The following PREP variants were observed in gnomAD, a reference collection of about 807,000 sequenced individuals.
PREP encodes prolyl endopeptidase, also known as dJ355L5.1 (prolyl endopeptidase).
Under a neutral mutation model 87.6 loss-of-function variants are expected in PREP, and 29 were observed. The observed-to-expected ratio is 0.33, with a 90% CI of 0.25 to 0.45. PREP has a LOEUF of 0.45. PREP is among the 20% of genes least tolerant of loss of function. The probability of loss-of-function intolerance (pLI) is 1.00; values close to 1 mark genes in which losing one functional copy is unlikely to be tolerated. For missense variants in PREP, 695 were observed against 886.5 expected (o/e 0.78, Z 2.74); for synonymous variants, 337 against 328.6 (o/e 1.03, Z -0.28).
intron 7 of PREP, among the ~76,000 whole-genome samples, chr6:105,338,679 A>G (rs1771542396): frequency 6.6e-6 from 1 of 152,054 alleles, no homozygotes; most frequent in South Asian, 2.1e-4. Flanking sequence ...AAATTGGGAC[A>G]CTCCCACCCT....
chr6:105,291,942 A>C (rs1317682302), intron 10 of PREP, among the ~76,000 whole-genome samples: 1 of 152,214 alleles, frequency 6.6e-6, no homozygotes, highest in Non-Finnish European at 1.5e-5. Context: ...CTCACTCCTA[A>C]AAAGCAACTC....
chr6:105,362,375 C>T (rs1260576867), intron 6 of PREP, among the ~76,000 whole-genome samples: 1 of 152,230 alleles, frequency 6.6e-6, no homozygotes, highest in African/African-American at 2.4e-5. Flanking sequence ...GGACGAGAAT[C>T]GCTTGAACCC....
chr6:105,381,819 T>C (rs902460206), intron 2 of PREP, among the ~76,000 whole-genome samples: 8 of 151,762 alleles, frequency 5.3e-5, no homozygotes, highest in African/African-American at 1.9e-4. Context: ...ACTGTACCTA[T>C]AGTTAGCAAT....
chr6:105,340,247 T>TA (rs1052828576), intron 7 of PREP, among the ~76,000 whole-genome samples: 5 of 152,186 alleles, frequency 3.3e-5, no homozygotes, highest in African/African-American at 1.2e-4. Flanking sequence ...TCAACATTCT[T>TA]AAAGAAAACA....
At chr6:105,390,179 T>C (rs1279427051) in intron 2 of PREP, among the ~76,000 whole-genome samples, 1 of 152,186 alleles carries the variant, frequency 6.6e-6, no homozygotes, top group Non-Finnish European at 1.5e-5. Flanking sequence ...CTGTTCTAAT[T>C]GCCATAGCCT....
At chr6:105,295,014 C>T (rs954317834) in intron 10 of PREP, among the ~76,000 whole-genome samples, 2 of 152,154 alleles carry the variant, frequency 1.3e-5, no homozygotes, top group Non-Finnish European at 2.9e-5. Flanking sequence ...CTGCTGGACA[C>T]TCCGGAAATG....
At chr6:105,312,103 TGTAG>T (rs1770771035) in intron 10 of PREP, among the ~76,000 whole-genome samples, 4 of 152,252 alleles carry the variant, frequency 2.6e-5, no homozygotes, top group African/African-American at 9.6e-5. Flanking sequence ...AGGCTCCAGA[TGTAG>T]GTAGCACATA....
Position 105,278,796 on chromosome 6 carries a change from C to A in PREP, c.1839-358G>T, listed in dbSNP as rs1270569879. On this transcript the variant is annotated intron_variant, in intron 14 of 14. Transcript: ENST00000652536. This position sits in a 1 kb window ranked among gnomAD's most constrained non-coding sequence, Gnocchi z 4.2. ...AGTAATAATTGTCATTATAACCACA[C>A]TCAGTGGTTCAAAAAAAGTCCAAGC... Among the ~76,000 whole-genome samples, 1 of 152,104 alleles carries A rather than the reference C, an allele frequency of 6.6e-6. No homozygotes were observed. The highest frequency in any genetic ancestry group is 6.5e-5 in the Admixed American group (1 of 15,284).
At chr6:105,379,202 C>T in intron 2 of PREP, among the ~76,000 whole-genome samples, 1 of 152,172 alleles carries the variant, frequency 6.6e-6, no homozygotes, top group Non-Finnish European at 1.5e-5. Context: ...CAATCTTCGC[C>T]CTGGCCCGCT....
At chr6:105,280,629 A>C (rs1583032586) in intron 14 of PREP, 1 of 152,014 alleles carries the variant, frequency 6.6e-6, no homozygotes, top group East Asian at 1.9e-4. Context: ...AGGGTCTTGG[A>C]ATGCAGTGGT....
chr6:105,390,020 C>T (rs1476369046), intron 2 of PREP, among the ~76,000 whole-genome samples: 2 of 152,162 alleles, frequency 1.3e-5, no homozygotes, highest in African/African-American at 4.8e-5. Context: ...AAAATACCTA[C>T]ATAGAAATCC....
chr6:105,316,376 C>A (rs1295146835), intron 10 of PREP, among the ~76,000 whole-genome samples: 1 of 152,164 alleles, frequency 6.6e-6, no homozygotes, highest in Admixed American at 6.5e-5. Flanking sequence ...GTTAAGTTCA[C>A]CACCTTCTAT....
At position 105,277,979 on chromosome 6, in the gene PREP, A is replaced by G. The variant is rs1769982377; in HGVS notation, c.*165T>C. On this transcript the variant is annotated 3_prime_UTR_variant, in exon 15 of 15. Coordinates refer to ENST00000652536, the MANE Select transcript of PREP (RefSeq NM_002726.5). ...CACCAAGGCCTTGCTAAAAAGGAGA[A>G]GCCTAAAAAAGATAAAATTCCCACG... The G allele has an allele frequency of 2.1e-6, 2 of 975,146 alleles. No individual in the cohort carries two copies. The highest frequency in any genetic ancestry group is 3.0e-6 in the Non-Finnish European group (2 of 658,268). 60.4% of individuals were successfully genotyped at this position (975,146 alleles called of 1,614,324 possible).
intron 10 of PREP, among the ~76,000 whole-genome samples, chr6:105,310,528 G>T (rs1770738211): frequency 6.6e-6 from 1 of 152,130 alleles, no homozygotes; most frequent in African/African-American, 2.4e-5. Context: ...AGCACTGGGT[G>T]TTGCCTGCCA....
chr6:105,334,208 T>C (rs745814864), intron 7 of PREP, among the ~76,000 whole-genome samples: 4 of 152,222 alleles, frequency 2.6e-5, no homozygotes, highest in Non-Finnish European at 4.4e-5. Context: ...CAATGACTTC[T>C]CCATTATACT....
chr6:105,387,669 C>T (rs138804661), intron 2 of PREP, among the ~76,000 whole-genome samples: 2 of 149,176 alleles, frequency 1.3e-5, no homozygotes, highest in Non-Finnish European at 3.0e-5. Context: ...GAAAAAGTCG[C>T]AAAAAAAAAT....
chr6:105,387,123 G>C (rs912733726), intron 2 of PREP, among the ~76,000 whole-genome samples: 5 of 152,158 alleles, frequency 3.3e-5, no homozygotes, highest in African/African-American at 1.2e-4. Context: ...TCAGGAGGCT[G>C]AGACATGAGA....
chr6:105,348,237 A>G (rs1422328148), intron 7 of PREP, among the ~76,000 whole-genome samples: 2 of 152,268 alleles, frequency 1.3e-5, no homozygotes, highest in African/African-American at 4.8e-5. Context: ...TGCTTAATAA[A>G]GGACAAAAAT....
At chr6:105,385,116 C>T (rs984556742) in intron 2 of PREP, among the ~76,000 whole-genome samples, 2 of 151,890 alleles carry the variant, frequency 1.3e-5, no homozygotes, top group African/African-American at 4.8e-5. Context: ...AAGCTTGCTC[C>T]AGGGCTGGCT....
Sources: allele counts gnomAD v4.1 joint callset (sites outside exome capture counted in the v4.1 genomes callset), GRCh38; gene constraint gnomAD v4.1.1; non-coding constraint Gnocchi (gnomAD v3.1); transcripts MANE v1.5; gene names NCBI Gene and HGNC (gene_info 2026-07-23, HGNC 2026-07-21).